Variants in ATP10A observed in about 807,000 individuals in gnomAD.
ATP10A encodes phospholipid-transporting ATPase VA.
A neutral mutation model predicts 147.8 loss-of-function variants in ATP10A; 111 were observed. The ratio of observed to expected loss-of-function variants is 0.75; its 90% confidence interval spans 0.64 to 0.88. The LOEUF is 0.88. Among genes scored for constraint, ATP10A ranks in the 40% least tolerant of loss-of-function variants. The probability of loss-of-function intolerance (pLI) is 0.00; values close to 1 mark genes in which losing one functional copy is unlikely to be tolerated. For missense variants in ATP10A, 1,927 were observed against 1,959.0 expected (o/e 0.98, Z 0.31); for synonymous variants, 875 against 841.6 (o/e 1.04, Z -0.69).
rs540507086 is a variant in ATP10A at position 25,766,849 on chromosome 15, GA to G, written c.654+14169del. Among the ~76,000 whole-genome samples the G allele has an allele frequency of 5.6e-3, 808 of 144,650 alleles. 3 individuals carry two copies. The highest frequency in any genetic ancestry group is 9.6e-3 in the Non-Finnish European group (643 of 66,942). 94.9% of individuals were successfully genotyped at this position (144,650 alleles called of 152,430 possible). A position where few individuals can be genotyped will look rare whatever the true frequency, so the allele number is the denominator to read the frequency against. On this transcript the variant is annotated intron_variant, in intron 2 of 20. Transcript: ENST00000555815. ...AAGGCACCAGTCCCAAAAAACTCCC[GA>G]AAAATACTCTAATCGGGGTTTTGTC...
At chr15:25,770,061 A>G (rs1000117011) in intron 2 of ATP10A, among the ~76,000 whole-genome samples, 4 of 152,206 alleles carry the variant, frequency 2.6e-5, no homozygotes, top group African/African-American at 9.6e-5. Flanking sequence ...CTGTGAGAAA[A>G]TAAATTTCTG....
At chr15:25,770,214 G>A (rs2140662300) in intron 2 of ATP10A, among the ~76,000 whole-genome samples, 1 of 151,324 alleles carries the variant, frequency 6.6e-6, no homozygotes, top group Non-Finnish European at 1.5e-5. Context: ...GGGCGAGGTG[G>A]GGAGGGGCCC....
intron 2 of ATP10A, among the ~76,000 whole-genome samples, chr15:25,747,303 A>G (rs1019679097): frequency 1.1e-4 from 16 of 151,664 alleles, no homozygotes; most frequent in South Asian, 4.2e-4. Context: ...AAAAAAAAAA[A>G]AAAGAAAAAG....
At chr15:25,703,841 C>T (rs1336934627) in intron 12 of ATP10A, among the ~76,000 whole-genome samples, 3 of 152,162 alleles carry the variant, frequency 2.0e-5, no homozygotes, top group African/African-American at 4.8e-5. Context: ...GCTCCCATGT[C>T]GGGGATGTAC....
chr15:25,706,484 C>T (rs1901025480), intron 12 of ATP10A, among the ~76,000 whole-genome samples: 1 of 152,236 alleles, frequency 6.6e-6, no homozygotes, highest in Non-Finnish European at 1.5e-5. Context: ...GATTGAGCCA[C>T]TTGCCCCAGG....
rs60149401 is a variant in ATP10A, at chr15:25,824,107, T to C, written c.449+38541A>G. ...GCTACAAGGCAAACTTACTTGTATA[T>C]GAATATAACATTTATAGATTACACT... is the stretch of plus-strand genomic sequence containing the variant. On this transcript the variant is annotated intron_variant, in intron 1 of 20. Coordinates refer to ENST00000555815, the MANE Select transcript of ATP10A (RefSeq NM_024490.4). Among the ~76,000 whole-genome samples the C allele has an allele frequency of 3.9e-3, 592 of 152,140 alleles. 3 individuals carry two copies. Among genetic ancestry groups the C allele is most frequent in the African/African-American group, 0.014 (561 of 41,512 alleles).
At chr15:25,830,210 C>T (rs541220926) in intron 1 of ATP10A, among the ~76,000 whole-genome samples, 8 of 152,240 alleles carry the variant, frequency 5.3e-5, no homozygotes, top group East Asian at 1.9e-4. Flanking sequence ...GGGGTGCAGC[C>T]ATGCAGCGCT....
At chr15:25,731,565 G>A (rs574680657) in intron 3 of ATP10A, among the ~76,000 whole-genome samples, 5 of 152,164 alleles carry the variant, frequency 3.3e-5, no homozygotes, top group Non-Finnish European at 5.9e-5. Flanking sequence ...AGCACAATCA[G>A]CAGGGTCAGG....
intron 1 of ATP10A, among the ~76,000 whole-genome samples, chr15:25,809,944 G>A (rs1891354486): frequency 1.3e-5 from 2 of 150,872 alleles, no homozygotes; most frequent in Non-Finnish European, 2.9e-5. Flanking sequence ...CCAAGCTGGA[G>A]AGCTACAAGC....
intron 1 of ATP10A, among the ~76,000 whole-genome samples, chr15:25,794,312 C>T (rs774619473): frequency 1.3e-5 from 2 of 151,824 alleles, no homozygotes; most frequent in Non-Finnish European, 2.9e-5. Context: ...TCTCCTACCA[C>T]GCAGAATTAA....
intron 12 of ATP10A, among the ~76,000 whole-genome samples, chr15:25,704,708 A>T (rs970072939): frequency 8.5e-5 from 13 of 152,352 alleles, no homozygotes; most frequent in Admixed American, 7.8e-4. Flanking sequence ...GGCATGAAAC[A>T]TGGCAGAGGA....
chr15:25,733,560 C>T (rs149113999), intron 3 of ATP10A, among the ~76,000 whole-genome samples: 359 of 152,348 alleles, frequency 2.4e-3, no homozygotes, highest in Non-Finnish European at 3.9e-3. Flanking sequence ...TGCTCCACCC[C>T]CAGAGGCCCC....
At chr15:25,848,307 A>G (rs993180675) in intron 1 of ATP10A, among the ~76,000 whole-genome samples, 4 of 151,916 alleles carry the variant, frequency 2.6e-5, no homozygotes, top group Non-Finnish European at 5.9e-5. Context: ...TATTTATTTC[A>G]TTTTATAGAG....
intron 3 of ATP10A, among the ~76,000 whole-genome samples, chr15:25,730,587 G>A (rs1233951835): frequency 1.3e-5 from 2 of 152,196 alleles, no homozygotes; most frequent in African/African-American, 4.8e-5. Context: ...AAACACCTTA[G>A]CAAAGATGCA....
At chr15:25,683,753 A>C in intron 16 of ATP10A, 1 of 508,116 alleles carries the variant, frequency 2.0e-6, no homozygotes, top group Non-Finnish European at 3.5e-6. Flanking sequence ...ACTTGCGGGG[A>C]TGAGATTTTT....
chr15:25,776,551 C>T (rs943078175), intron 2 of ATP10A, among the ~76,000 whole-genome samples: 7 of 152,198 alleles, frequency 4.6e-5, no homozygotes, highest in Admixed American at 3.3e-4. Flanking sequence ...GTGTGATGCT[C>T]CACACGGGGG....
intron 2 of ATP10A, among the ~76,000 whole-genome samples, chr15:25,760,659 C>T (rs1257177924): frequency 1.3e-5 from 2 of 152,164 alleles, no homozygotes; most frequent in African/African-American, 4.8e-5. Context: ...AACTGATGGG[C>T]TTGTGCTAAG....
chr15:25,836,182 C>T (rs548911898), intron 1 of ATP10A, among the ~76,000 whole-genome samples: 7 of 152,298 alleles, frequency 4.6e-5, no homozygotes, highest in East Asian at 1.9e-4. Context: ...CTCCTCACCT[C>T]GAGTGATCAT....
rs1298984955 is a variant in ATP10A, at chr15:25,727,281, T to G, written c.741-15A>C. ...TGTCATGTATGCTGTAGAGGGACAG[T>G]TGGCACATGTCACGTGGTTGCAGGC... On this transcript the variant is annotated splice_polypyrimidine_tract_variant and intron_variant, in intron 3 of 20. Coordinates refer to ENST00000555815, the MANE Select transcript of ATP10A (RefSeq NM_024490.4). 12 of 1,602,072 alleles carry G rather than the reference T, an allele frequency of 7.5e-6. No homozygotes were observed. The African/African-American group carries it at 1.3e-4, about 18-fold the overall frequency.
Sources: allele counts gnomAD v4.1 joint callset (sites outside exome capture counted in the v4.1 genomes callset), GRCh38; gene constraint gnomAD v4.1.1; transcripts MANE v1.5; gene names NCBI Gene and HGNC (gene_info 2026-07-23, HGNC 2026-07-21).